The following SIRPB1 variants were observed in gnomAD, a reference collection of about 807,000 sequenced individuals.
SIRPB1 encodes signal regulatory protein beta 1.
SIRPB1 carries 28 observed loss-of-function variants against 34.1 expected under a neutral mutation model. That is an observed-to-expected ratio of 0.82 (90% CI 0.61 to 1.12). The LOEUF is 1.12. SIRPB1 is among the 50% of genes most tolerant of loss of function. The pLI is 0.00. For synonymous variants in SIRPB1, 211 were observed against 203.8 expected, an observed-to-expected ratio of 1.04 and a Z score of -0.30; for missense variants, 499 against 507.0, an observed-to-expected ratio of 0.98 and a Z score of 0.15.
chr20:1,614,421 C>A (rs568731405), intron 1 of SIRPB1, among the ~76,000 whole-genome samples: 11 of 152,246 alleles, frequency 7.2e-5, no homozygotes, highest in African/African-American at 2.4e-4. Flanking sequence ...AAAGCTGGTC[C>A]CTGCCACAAT....
Position 1,589,671 on chromosome 20 carries a change from T to C in SIRPB1, c.77-10977A>G, listed in dbSNP as rs1361337440. ...CATTATTGATGCTAATGACACCAGGTGAAGAGCGGGAACTCGAGTGGTGCT... is the reference window on the plus strand; with the variant it reads ...CATTATTGATGCTAATGACACCAGGCGAAGAGCGGGAACTCGAGTGGTGCT... On this transcript the variant is annotated intron_variant, in intron 1 of 5. Coordinates refer to ENST00000381605, the MANE Select transcript of SIRPB1 (RefSeq NM_006065.5). Among the ~76,000 whole-genome samples, 5 of 48,612 alleles carry C rather than the reference T, an allele frequency of 1.0e-4. 2 individuals are homozygous for C. Among genetic ancestry groups the C allele is most frequent in the African/African-American group, 5.5e-4 (4 of 7,320 alleles). 31.9% of individuals were successfully genotyped at this position (48,612 alleles called of 152,430 possible).
chr20:1,572,165 T>G (rs2091251725), intron 2 of SIRPB1, 128 bp from the exon 3 acceptor site: 3 of 1,437,452 alleles, frequency 2.1e-6, no homozygotes, highest in Middle Eastern at 2.5e-4. Flanking sequence ...GTGAAGGCAG[T>G]GTCCTTATTC....
In SIRPB1 at chr20:1,571,833, C is replaced by T. The variant is rs1464071730; in HGVS notation, c.638G>A (p.Arg213Lys). The T allele has an allele frequency of 2.3e-5, 37 of 1,614,262 alleles. No individual in the cohort carries two copies. The highest frequency in any genetic ancestry group is 3.0e-5 in the Non-Finnish European group (35 of 1,180,044). The part of the protein sequence containing the change: ...SVSYSIHSTA[R>K]VVLTRGDVHS... ...AACGTCCCCACGGGTCAGCACCACC[C>T]TGGCTGTGCTGTGGATGCTGTAGGA... The change falls in exon 3 of 6, where the codon AGG becomes AAG. Residue 213 changes from arginine to lysine, a missense_variant. Arg to Lys is a conservative substitution (Grantham distance 26). Coordinates refer to ENST00000381605, the MANE Select transcript of SIRPB1 (RefSeq NM_006065.5).
At chr20:1,617,883 TCTC>T (rs1195001691) in intron 1 of SIRPB1, among the ~76,000 whole-genome samples, 5 of 152,022 alleles carry the variant, frequency 3.3e-5, no homozygotes, top group African/African-American at 4.8e-5. Context: ...AAAAATGAAA[TCTC>T]CTGTGTGTGC....
In SIRPB1 at chr20:1,586,138, G is replaced by A. The variant is rs2091421685; in HGVS notation, c.77-7444C>T. 4.1e-5 allele frequency among the ~76,000 whole-genome samples: 2 copies of A among 48,770 alleles called. 1 individual carries two copies. Among genetic ancestry groups the A allele is most frequent in the Admixed American group, 2.8e-4 (2 of 7,272 alleles). The allele number at this position is 48,770 out of a possible 152,430, so 32.0% of individuals were successfully genotyped here. A position where few individuals can be genotyped will look rare whatever the true frequency, so the allele number is the denominator to read the frequency against. On this transcript the variant is annotated intron_variant, in intron 1 of 5. Coordinates refer to ENST00000381605, the MANE Select transcript of SIRPB1 (RefSeq NM_006065.5). ...ATTAGTCAAAGGACACAAAATTTTTGTTTAGATGGGAGAAATTAGCTCCAG... is the reference window on the plus strand; with the variant it reads ...ATTAGTCAAAGGACACAAAATTTTTATTTAGATGGGAGAAATTAGCTCCAG...
intron 1 of SIRPB1, among the ~76,000 whole-genome samples, chr20:1,614,952 T>A (rs1193603480): frequency 6.6e-6 from 1 of 152,154 alleles, no homozygotes; most frequent in Non-Finnish European, 1.5e-5. Flanking sequence ...GAAGCGAGGA[T>A]CCTGTTCCAA....
intron 3 of SIRPB1, among the ~76,000 whole-genome samples, 198 bp downstream of exon 3, chr20:1,571,522 A>G (rs538933482): frequency 1.8e-4 from 28 of 152,240 alleles, no homozygotes; most frequent in Non-Finnish European, 3.5e-4. Flanking sequence ...TCTGTAGCCC[A>G]GAGCTTGGCA....
Position 1,586,224 on chromosome 20 carries a change from C to T in SIRPB1, c.77-7530G>A, listed in dbSNP as rs1426287235. ...AGATGATTTATATCCTTCAAAATTGCGAAGTGCATAGATTTTAGGAGTTCT... is the reference window on the plus strand; with the variant it reads ...AGATGATTTATATCCTTCAAAATTGTGAAGTGCATAGATTTTAGGAGTTCT... On this transcript the variant is annotated intron_variant, in intron 1 of 5. Coordinates refer to ENST00000381605, the MANE Select transcript of SIRPB1 (RefSeq NM_006065.5). Among the ~76,000 whole-genome samples the T allele has an allele frequency of 2.7e-4, 13 of 48,598 alleles. 5 individuals carry two copies. Among genetic ancestry groups the T allele is most frequent in the Non-Finnish European group, 4.7e-4 (12 of 25,270 alleles). 31.9% of individuals were successfully genotyped at this position (48,598 alleles called of 152,430 possible).
intron 1 of SIRPB1, among the ~76,000 whole-genome samples, chr20:1,579,576 G>T (rs62186924): frequency 0.01 from 1,526 of 148,768 alleles, 178 homozygotes; most frequent in Non-Finnish European, 0.016. Context: ...ATGCAGAACT[G>T]CCAATCCACA....
intron 2 of SIRPB1, among the ~76,000 whole-genome samples, chr20:1,577,301 C>T (rs1419557029): frequency 1.4e-5 from 2 of 147,736 alleles, no homozygotes; most frequent in African/African-American, 4.9e-5. Flanking sequence ...GAGACTGCCA[C>T]GATTCAGATA....
At chr20:1,567,296 G>C (rs2091153046) in intron 4 of SIRPB1, among the ~76,000 whole-genome samples, 1 of 152,076 alleles carries the variant, frequency 6.6e-6, no homozygotes. Context: ...GAGATAGACT[G>C]CATTGGGAAT....
Position 1,584,471 on chromosome 20 carries a change from A to G in SIRPB1, c.77-5777T>C, listed in dbSNP as rs1245378179. Among the ~76,000 whole-genome samples, 2 of 49,376 alleles carry G rather than the reference A, an allele frequency of 4.1e-5. 1 individual carries two copies. The highest frequency in any genetic ancestry group is 7.8e-5 in the Non-Finnish European group (2 of 25,568). The allele number at this position is 49,376 out of a possible 152,430, so 32.4% of individuals were successfully genotyped here. A position where few individuals can be genotyped will look rare whatever the true frequency, so the allele number is the denominator to read the frequency against. ...AAAATCAGTAGTTTCATACACTTAT[A>G]GCAAATTAGTGGGAAAAGAAATCAG... On this transcript the variant is annotated intron_variant, in intron 1 of 5. Coordinates refer to ENST00000381605, the MANE Select transcript of SIRPB1 (RefSeq NM_006065.5).
chr20:1,579,108 T>C (rs2091365355), intron 1 of SIRPB1, among the ~76,000 whole-genome samples: 1 of 147,826 alleles, frequency 6.8e-6, no homozygotes. Context: ...CATTCCACCA[T>C]ACCTGGCCAA....
In SIRPB1 at chr20:1,566,271, G is replaced by C. The variant is rs749413083; in HGVS notation, c.1085-4C>G. ...GCAGTAGGAGCCAGCGCTGCTTCTG[G>C]AAATCAGGGAAGAGGAGGAGCCATG... On this transcript the variant is annotated splice_polypyrimidine_tract_variant and splice_region_variant and intron_variant, in intron 4 of 5. Transcript: ENST00000381605. 4 of 1,580,032 alleles carry C rather than the reference G, an allele frequency of 2.5e-6. No homozygotes were observed. In the African/African-American group the frequency reaches 5.4e-5, roughly 21 times the overall value.
rs6079670 is a variant in SIRPB1, at chr20:1,583,892, A to G, written c.77-5198T>C. Reference sequence around the variant, plus strand: ...TACTACTACTACTACTACTACTACTACTGCTGCTGCTGCTGCTGTGTGTTT... The same window carrying G: ...TACTACTACTACTACTACTACTACTGCTGCTGCTGCTGCTGCTGTGTGTTT... On this transcript the variant is annotated intron_variant, in intron 1 of 5. Coordinates refer to ENST00000381605, the MANE Select transcript of SIRPB1 (RefSeq NM_006065.5). Among the ~76,000 whole-genome samples, 267 of 43,498 alleles carry G rather than the reference A, an allele frequency of 6.1e-3. 21 individuals are homozygous for G. The highest frequency in any genetic ancestry group is 0.039 in the Admixed American group (214 of 5,554). The allele number at this position is 43,498 out of a possible 152,430, so 28.5% of individuals were successfully genotyped here.
Position 1,594,764 on chromosome 20 carries a change from A to G in SIRPB1, c.77-16070T>C, listed in dbSNP as rs2122261488. Among the ~76,000 whole-genome samples, 2 of 49,026 alleles carry G rather than the reference A, an allele frequency of 4.1e-5. 1 individual carries two copies. Among genetic ancestry groups the G allele is most frequent in the Non-Finnish European group, 7.9e-5 (2 of 25,454 alleles). 32.2% of individuals were successfully genotyped at this position (49,026 alleles called of 152,430 possible). A position where few individuals can be genotyped will look rare whatever the true frequency, so the allele number is the denominator to read the frequency against. Reference sequence around the variant, plus strand: ...GTAAAATGGACATAATAATCACACCAACCTCATAAGATTGTTATGGGAATT... The same window carrying G: ...GTAAAATGGACATAATAATCACACCGACCTCATAAGATTGTTATGGGAATT... On this transcript the variant is annotated intron_variant, in intron 1 of 5. Transcript: ENST00000381605.
At position 1,570,827 on chromosome 20, in the gene SIRPB1, C is replaced by T; in HGVS notation, c.1062G>A (p.Glu354=). The T allele has an allele frequency of 6.2e-7, 1 of 1,613,754 alleles. No individual in the cohort carries two copies. Among genetic ancestry groups the T allele is most frequent in the South Asian group, 1.1e-5 (1 of 91,060 alleles). Residue 354 remains glutamate, a synonymous_variant, in exon 4 of 6, where the codon GAG becomes GAA. Transcript: ENST00000381605. ...CACCATGGGTGATATCTGAGCCGTG[C>T]TCCTTCTGGTGCGCTGAGATCTCCA... is the stretch of plus-strand genomic sequence containing the variant. ...YALEISAHQK[E]HGSDITHEAA...
chr20:1,604,011 T>C (rs1188875777), intron 1 of SIRPB1: 1 of 610,276 alleles, frequency 1.6e-6, no homozygotes, highest in Admixed American at 2.9e-5. Context: ...GCCGTTTCTG[T>C]CCTGGACACG....
intron 1 of SIRPB1, among the ~76,000 whole-genome samples, chr20:1,599,561 C>G (rs545570468): frequency 2.0e-5 from 1 of 48,954 alleles, no homozygotes; most frequent in Admixed American, 1.4e-4. Context: ...TAACCTTTCA[C>G]CTCCCCCTCA....
Sources: gnomAD v4.1 joint callset for allele counts (sites outside exome capture counted in the v4.1 genomes callset) on GRCh38, gnomAD v4.1.1 for gene constraint, MANE v1.5 for transcripts, NCBI Gene and HGNC (gene_info 2026-07-23, HGNC 2026-07-21) for gene names.